GNAQ: variants seen among roughly 807,000 people sequenced by gnomAD.
GNAQ encodes guanine nucleotide-binding protein G(q) subunit alpha.
GNAQ carries 8 observed loss-of-function variants against 43.9 expected under a neutral mutation model. The observed-to-expected ratio is 0.18, with a 90% CI of 0.11 to 0.33. The LOEUF is 0.33. GNAQ is among the 10% of genes least tolerant of loss of function. GNAQ has a pLI of 1.00. For synonymous variants in GNAQ, 155 were observed against 170.7 expected (o/e 0.91, Z 0.71); for missense variants, 158 against 450.8 (o/e 0.35, Z 5.88).
chr9:78,003,446 A>T (rs1056464226), intron 1 of GNAQ, among the ~76,000 whole-genome samples: 4 of 152,224 alleles, frequency 2.6e-5, no homozygotes, highest in African/African-American at 7.2e-5. Flanking sequence ...AAGGCCACTG[A>T]TACCTTCAGA....
chr9:77,965,302 C>T (rs959435289), intron 1 of GNAQ, among the ~76,000 whole-genome samples: 3 of 152,090 alleles, frequency 2.0e-5, no homozygotes, highest in Admixed American at 6.6e-5. Context: ...ATTCAACTTC[C>T]CATACAATTA....
intron 1 of GNAQ, among the ~76,000 whole-genome samples, chr9:77,932,853 G>T (rs1587417566): frequency 6.6e-6 from 1 of 151,994 alleles, no homozygotes; most frequent in African/African-American, 2.4e-5. Context: ...AAATTAGTAG[G>T]GTATTCCAAC....
intron 1 of GNAQ, among the ~76,000 whole-genome samples, chr9:77,936,216 A>G (rs1458496779): frequency 6.6e-6 from 1 of 152,220 alleles, no homozygotes; most frequent in African/African-American, 2.4e-5. Flanking sequence ...TCTACAACCC[A>G]TGAAGTGATC....
At chr9:77,962,438 GAC>G (rs1208542385) in intron 1 of GNAQ, among the ~76,000 whole-genome samples, 1 of 151,618 alleles carries the variant, frequency 6.6e-6, no homozygotes, top group African/African-American at 2.4e-5. Context: ...GAGAGAGAAA[GAC>G]ACTTTACATG....
At chr9:77,882,578 T>G (rs1587384822) in intron 2 of GNAQ, among the ~76,000 whole-genome samples, 1 of 152,128 alleles carries the variant, frequency 6.6e-6, no homozygotes, top group South Asian at 2.1e-4. Context: ...AATGGGAAAG[T>G]CCACAGCCAC....
At chr9:77,956,021 G>T (rs560697752) in intron 1 of GNAQ, among the ~76,000 whole-genome samples, 1 of 152,296 alleles carries the variant, frequency 6.6e-6, no homozygotes, top group South Asian at 2.1e-4. Context: ...AACCCTACAT[G>T]TGAAACATTT....
At chr9:77,842,386 C>A (rs116847633) in intron 2 of GNAQ, among the ~76,000 whole-genome samples, 3,337 of 152,260 alleles carry the variant, frequency 0.022, 60 homozygotes, top group Non-Finnish European at 0.033. Context: ...ACAGAATTGA[C>A]AAACAACATT....
chr9:77,761,757 T>C (rs1289836906), intron 5 of GNAQ, among the ~76,000 whole-genome samples: 1 of 55,780 alleles, frequency 1.8e-5, no homozygotes. Flanking sequence ...AGCCGCCCCG[T>C]CCGGGAGGTG....
intron 1 of GNAQ, among the ~76,000 whole-genome samples, chr9:78,002,050 G>A (rs892729442): frequency 6.6e-6 from 1 of 152,104 alleles, no homozygotes; most frequent in African/African-American, 2.4e-5. Flanking sequence ...GTCAATATAA[G>A]GCCATTAATG....
intron 2 of GNAQ, among the ~76,000 whole-genome samples, chr9:77,901,078 C>T (rs1828606797): frequency 6.6e-6 from 1 of 152,160 alleles, no homozygotes; most frequent in African/African-American, 2.4e-5. Flanking sequence ...TCTTCCATGT[C>T]CATCCTTTCA....
chr9:78,027,746 C>A (rs1429960313), intron 1 of GNAQ, among the ~76,000 whole-genome samples: 1 of 104,320 alleles, frequency 9.6e-6, no homozygotes, highest in Non-Finnish European at 1.9e-5. Flanking sequence ...AGCAAAACTC[C>A]ATCTCAAAAA....
chr9:77,779,230 A>G (rs984893438), intron 5 of GNAQ, among the ~76,000 whole-genome samples: 6 of 152,006 alleles, frequency 3.9e-5, no homozygotes, highest in Admixed American at 1.3e-4. Flanking sequence ...TTTTCATACC[A>G]CAATGAAATG....
At chr9:77,824,195 G>A (rs1321359781) in intron 2 of GNAQ, among the ~76,000 whole-genome samples, 1 of 151,950 alleles carries the variant, frequency 6.6e-6, no homozygotes, top group Non-Finnish European at 1.5e-5. Context: ...CTTAAAAATT[G>A]CCTTAACTAT....
At chr9:77,749,439 C>T (rs1287260123) in intron 5 of GNAQ, among the ~76,000 whole-genome samples, 1 of 152,158 alleles carries the variant, frequency 6.6e-6, no homozygotes, top group African/African-American at 2.4e-5. Flanking sequence ...ATCCTTCTAT[C>T]CTTCCTTTTC....
rs372742895 is a variant in GNAQ at position 77,871,127 on chromosome 9, A to T, written c.321+51034T>A. Among the ~76,000 whole-genome samples the T allele has an allele frequency of 1.2e-4, 18 of 152,362 alleles. No individual in the cohort carries two copies. In the East Asian group the frequency reaches 2.3e-3, roughly 20 times the overall value. ...GCAAATTATATTTCAAATAAAGTTA[A>T]TTTAACATTTTTAAAGGTTAGTTAT... On this transcript the variant is annotated intron_variant, in intron 2 of 6. Transcript: ENST00000286548.
At chr9:77,818,942 G>C (rs1043015228) in intron 2 of GNAQ, among the ~76,000 whole-genome samples, 2 of 126,408 alleles carry the variant, frequency 1.6e-5, no homozygotes, top group Non-Finnish European at 3.1e-5. Context: ...CAAGGTTACA[G>C]TGAGCTATGA....
intron 2 of GNAQ, among the ~76,000 whole-genome samples, chr9:77,902,540 T>A (rs146440033): frequency 6.9e-4 from 105 of 152,352 alleles, no homozygotes; most frequent in African/African-American, 2.3e-3. Flanking sequence ...CTAAAATATT[T>A]AGTTTTAAAA....
chr9:77,933,545 T>C (rs986075047), intron 1 of GNAQ, among the ~76,000 whole-genome samples: 3 of 151,804 alleles, frequency 2.0e-5, no homozygotes, highest in African/African-American at 7.3e-5. Flanking sequence ...CTCGGGAGGC[T>C]GAGGTGGGAG....
intron 3 of GNAQ, among the ~76,000 whole-genome samples, chr9:77,811,090 A>C (rs1341880938): frequency 3.9e-5 from 6 of 152,174 alleles, no homozygotes; most frequent in Non-Finnish European, 8.8e-5. Context: ...TGTGTGTGGC[A>C]GGGAGATTCT....
Sources: allele counts gnomAD v4.1 joint callset (sites outside exome capture counted in the v4.1 genomes callset), GRCh38; gene constraint gnomAD v4.1.1; transcripts MANE v1.5; gene names NCBI Gene and HGNC (gene_info 2026-07-23, HGNC 2026-07-21).